FNDC3A: variants seen among roughly 807,000 people sequenced by gnomAD.
FNDC3A encodes fibronectin type III domain containing 3A.
A neutral mutation model predicts 148.9 loss-of-function variants in FNDC3A; 32 were observed. The observed-to-expected ratio is 0.21, with a 90% CI of 0.16 to 0.29. The LOEUF (loss-of-function observed/expected upper bound fraction) is 0.29, where lower values mean the gene tolerates loss of function less well. FNDC3A is among the 10% of genes least tolerant of loss of function. FNDC3A has a pLI of 1.00. For missense variants in FNDC3A, 1,191 were observed against 1,452.8 expected, an observed-to-expected ratio of 0.82 and a Z score of 2.93; for synonymous variants, 472 against 473.6, an observed-to-expected ratio of 1.00 and a Z score of 0.04.
intron 1 of FNDC3A, among the ~76,000 whole-genome samples, chr13:48,982,967 G>A (rs762204331): frequency 1.3e-5 from 2 of 152,124 alleles, no homozygotes; most frequent in Non-Finnish European, 1.5e-5. Context: ...GCTTGCCATA[G>A]GATATTTATA....
rs1278745984 is a variant in FNDC3A, at chr13:49,016,459, A to AT, written c.99+10176dup. On this transcript the variant is annotated intron_variant, in intron 2 of 25. Coordinates refer to ENST00000492622, the MANE Select transcript of FNDC3A (RefSeq NM_001079673.2). Reference sequence around the variant, plus strand: ...GGGATCTGGTGATATCCCCTTTATCATTTTTTATTGTATCTATTTGATTCT... The same window carrying AT: ...GGGATCTGGTGATATCCCCTTTATCATTTTTTTATTGTATCTATTTGATTCT... Among the ~76,000 whole-genome samples the AT allele has an allele frequency of 5.9e-5, 9 of 151,950 alleles. No homozygotes were observed. In the East Asian group the frequency reaches 1.5e-3, roughly 26 times the overall value.
chr13:49,173,105 G>A (rs771043352), intron 11 of FNDC3A, among the ~76,000 whole-genome samples: 1 of 146,730 alleles, frequency 6.8e-6, no homozygotes, highest in African/African-American at 2.7e-5. Flanking sequence ...TGGGCCGCAT[G>A]TGGCCCTTGG....
rs568674154 is a variant in FNDC3A at position 49,207,634 on chromosome 13, CCT to C, written c.*246_*247del. ...AGGGTGGGTCTTCTTTTTTTCTTTCCCTCTCTCTTTTTTTAACAAATGCCTTC... is the reference window on the plus strand; with the variant it reads ...AGGGTGGGTCTTCTTTTTTTCTTTCCCTCTCTTTTTTTAACAAATGCCTTC... On this transcript the variant is annotated 3_prime_UTR_variant, in exon 26 of 26. Transcript: ENST00000492622. 4.0e-4 allele frequency: 150 copies of C among 372,312 alleles called. 7 individuals carry two copies. The South Asian group carries it at 8.1e-3, about 20-fold the overall frequency. 23.1% of individuals were successfully genotyped at this position (372,312 alleles called of 1,614,324 possible). A position where few individuals can be genotyped will look rare whatever the true frequency, so the allele number is the denominator to read the frequency against.
At chr13:49,174,377 C>G (rs747913381) in intron 11 of FNDC3A, 58 bp from the exon 12 acceptor site, 23 of 1,422,256 alleles carry the variant, frequency 1.6e-5, no homozygotes, top group Admixed American at 3.6e-5. Flanking sequence ...GGAATTGATG[C>G]GAATTTATCT....
chr13:49,009,347 GTTTA>G (rs1003479571), intron 2 of FNDC3A, among the ~76,000 whole-genome samples: 2 of 152,120 alleles, frequency 1.3e-5, no homozygotes, highest in African/African-American at 2.4e-5. Context: ...GGACCAGTTT[GTTTA>G]TTCATTCATC....
At chr13:49,102,624 G>C (rs1453043445) in intron 3 of FNDC3A, among the ~76,000 whole-genome samples, 1 of 152,068 alleles carries the variant, frequency 6.6e-6, no homozygotes, top group African/African-American at 2.4e-5. Flanking sequence ...GGACCTTTTG[G>C]TTATAGTGAG....
chr13:49,201,113 C>A, intron 23 of FNDC3A: 2 of 277,862 alleles, frequency 7.2e-6, no homozygotes, highest in Non-Finnish European at 1.5e-5. Context: ...TATTCATTCT[C>A]TAATTTCCAA....
chr13:49,006,255 C>A lies in FNDC3A; in HGVS notation c.65C>A (p.Ser22Tyr), dbSNP rs761598309. 6.2e-7 allele frequency: 1 copy of A among 1,608,954 alleles called. No homozygotes were observed. The highest frequency in any genetic ancestry group is 8.5e-7 in the Non-Finnish European group (1 of 1,176,010). The change falls in exon 2 of 26, where the codon TCT becomes TAT. Residue 22 changes from serine to tyrosine, a missense_variant. Coordinates refer to ENST00000492622, the MANE Select transcript of FNDC3A (RefSeq NM_001079673.2). Reference protein sequence around the residue: ...QILSSDISLLSAPIVSADGTQ... With the variant: ...QILSSDISLLYAPIVSADGTQ... ...TTAAGTAGTGATATTTCTCTTTTGTCTGCCCCTATTGTAAGTGCAGATGGA... is the reference window on the plus strand; with the variant it reads ...TTAAGTAGTGATATTTCTCTTTTGTATGCCCCTATTGTAAGTGCAGATGGA...
chr13:49,052,405 A>G (rs1875905533), intron 2 of FNDC3A, among the ~76,000 whole-genome samples: 1 of 152,040 alleles, frequency 6.6e-6, no homozygotes. Context: ...CTGTTGTCTT[A>G]TGAATGGGGC....
intron 3 of FNDC3A, among the ~76,000 whole-genome samples, chr13:49,097,336 A>C (rs1422650601): frequency 1.3e-5 from 2 of 151,886 alleles, no homozygotes; most frequent in East Asian, 3.8e-4. Flanking sequence ...AAAACTTAGA[A>C]TGAGGGAAAG....
At chr13:49,123,494 A>G (rs549611945) in intron 4 of FNDC3A, among the ~76,000 whole-genome samples, 1 of 152,186 alleles carries the variant, frequency 6.6e-6, no homozygotes, top group Non-Finnish European at 1.5e-5. Context: ...AAAATTGACA[A>G]ACGAGATCTA....
chr13:49,008,223 T>C (rs1352258953), intron 2 of FNDC3A, among the ~76,000 whole-genome samples: 1 of 152,200 alleles, frequency 6.6e-6, no homozygotes, highest in African/African-American at 2.4e-5. Context: ...GAGATAGTTA[T>C]GAAGGATGCA....
At chr13:48,978,018 A>G (rs1951633683) in intron 1 of FNDC3A, among the ~76,000 whole-genome samples, 1 of 152,118 alleles carries the variant, frequency 6.6e-6, no homozygotes, top group Admixed American at 6.5e-5. Flanking sequence ...CCTGGTTAAC[A>G]CTGTCAAGCA....
Position 49,131,386 on chromosome 13 carries a change from A to G in FNDC3A, c.490+12A>G, listed in dbSNP as rs1882025795. On this transcript the variant is annotated intron_variant, in intron 5 of 25. Coordinates refer to ENST00000492622, the MANE Select transcript of FNDC3A (RefSeq NM_001079673.2). Reference sequence around the variant, plus strand: ...CTATGGAGATGTAGGTAAGACATCTAAAAGTATTCCACTGTTATTGAGTTG... The same window carrying G: ...CTATGGAGATGTAGGTAAGACATCTGAAAGTATTCCACTGTTATTGAGTTG... 3 of 1,520,878 alleles carry G rather than the reference A, an allele frequency of 2.0e-6. No homozygotes were observed. Among genetic ancestry groups the G allele is most frequent in the African/African-American group, 2.7e-5 (2 of 73,140 alleles). The allele number at this position is 1,520,878 out of a possible 1,614,324, so 94.2% of individuals were successfully genotyped here.
intron 1 of FNDC3A, among the ~76,000 whole-genome samples, chr13:48,995,349 G>T (rs1952004489): frequency 6.6e-6 from 1 of 150,412 alleles, no homozygotes; most frequent in Admixed American, 6.6e-5. Flanking sequence ...CTTAGTTGTA[G>T]CCTTTTTGTG....
At chr13:49,038,937 A>G (rs1194795331) in intron 2 of FNDC3A, among the ~76,000 whole-genome samples, 1 of 152,158 alleles carries the variant, frequency 6.6e-6, no homozygotes, top group Non-Finnish European at 1.5e-5. Context: ...TTAGGGGAAA[A>G]ATACAGATTC....
At chr13:49,055,530 A>G (rs1047850876) in intron 2 of FNDC3A, among the ~76,000 whole-genome samples, 5 of 152,108 alleles carry the variant, frequency 3.3e-5, no homozygotes, top group Admixed American at 3.3e-4. Flanking sequence ...AAACATTTAT[A>G]ATCTTTATTC....
chr13:49,150,018 G>C (rs1267499870), intron 8 of FNDC3A, among the ~76,000 whole-genome samples: 2 of 152,118 alleles, frequency 1.3e-5, no homozygotes, highest in African/African-American at 4.8e-5. Context: ...GTTATCAGTT[G>C]TAGTGTCTCC....
At position 49,197,590 on chromosome 13, in the gene FNDC3A, T is replaced by C; in HGVS notation, c.2341-135T>C. The C allele has an allele frequency of 4.4e-6, 3 of 674,322 alleles. 1 individual carries two copies. The South Asian group carries it at 6.3e-5, about 14-fold the overall frequency. 41.8% of individuals were successfully genotyped at this position (674,322 alleles called of 1,614,324 possible). On this transcript the variant is annotated intron_variant, in intron 20 of 25. Transcript: ENST00000492622. ...ATAAAAAATGTAAAATTGAACAGTTTTGATTGTGCTTAAAAGTTTTAAAGA... is the reference window on the plus strand; with the variant it reads ...ATAAAAAATGTAAAATTGAACAGTTCTGATTGTGCTTAAAAGTTTTAAAGA...
Sources: allele counts gnomAD v4.1 joint callset (sites outside exome capture counted in the v4.1 genomes callset), GRCh38; gene constraint gnomAD v4.1.1; transcripts MANE v1.5; gene names NCBI Gene and HGNC (gene_info 2026-07-23, HGNC 2026-07-21).